Variants in DOCK10 observed in about 807,000 individuals in gnomAD.
The protein encoded by DOCK10 is dedicator of cytokinesis 10, also known as dedicator of cytokinesis protein 10.
In DOCK10, 145 loss-of-function variants were observed where a neutral mutation model predicts 280.1. That is an observed-to-expected ratio of 0.52 (90% CI 0.45 to 0.59). DOCK10 has a LOEUF of 0.59. Among genes scored for constraint, DOCK10 ranks in the 20% least tolerant of loss-of-function variants. DOCK10 has a pLI of 0.00. For synonymous variants in DOCK10, 915 were observed against 942.2 expected, an observed-to-expected ratio of 0.97 and a Z score of 0.53; for missense variants, 2,368 against 2,651.7, an observed-to-expected ratio of 0.89 and a Z score of 2.35.
intron 3 of DOCK10, among the ~76,000 whole-genome samples, chr2:224,906,905 T>C (rs1167502488): frequency 6.6e-6 from 1 of 152,258 alleles, no homozygotes; most frequent in African/African-American, 2.4e-5. Context: ...GTTTAGCCAG[T>C]GGTTAAGCCC....
chr2:224,806,735 G>A (rs1309855307), intron 33 of DOCK10, among the ~76,000 whole-genome samples: 1 of 152,084 alleles, frequency 6.6e-6, no homozygotes. Flanking sequence ...CTCCTGAGTA[G>A]CTGGGACTAC....
At chr2:224,961,460 TTCTTTCTTTTTC>T (rs1489562911) in intron 1 of DOCK10, among the ~76,000 whole-genome samples, 7 of 132,984 alleles carry the variant, frequency 5.3e-5, no homozygotes, top group Admixed American at 1.6e-4. Context: ...CTTTCTTTCT[TTCTTTCTTTTTC>T]TTTCTTTCTT....
intron 7 of DOCK10, among the ~76,000 whole-genome samples, chr2:224,878,424 A>G (rs962994005): frequency 2.6e-5 from 4 of 152,200 alleles, no homozygotes; most frequent in South Asian, 2.1e-4. Context: ...TAAGCCCTAT[A>G]TACTCTAACA....
rs1025157571 is a variant in DOCK10 at position 224,910,023 on chromosome 2, A to T, written c.333+6672T>A. ...GCTGAGAATTGTCAAAGTAGAGAGC[A>T]GTGAGAGAAAACTCAAATTTTTTAC... On this transcript the variant is annotated intron_variant, in intron 3 of 55. Coordinates refer to ENST00000258390, the MANE Select transcript of DOCK10 (RefSeq NM_014689.3). Among the ~76,000 whole-genome samples, 5 of 152,356 alleles carry T rather than the reference A, an allele frequency of 3.3e-5. No homozygotes were observed. In the East Asian group the frequency reaches 7.7e-4, roughly 23 times the overall value.
At position 224,976,259 on chromosome 2, in the gene DOCK10, A is replaced by G. The variant is rs536771243; in HGVS notation, c.124-44591T>C. ...AGGGGTGGGGGGAAAGGGGAGGGAG[A>G]GCATTAGGAAAAACACTTAATGCAT... On this transcript the variant is annotated intron_variant, in intron 1 of 55. Coordinates refer to ENST00000258390, the MANE Select transcript of DOCK10 (RefSeq NM_014689.3). 3.4e-4 allele frequency among the ~76,000 whole-genome samples: 52 copies of G among 152,212 alleles called. 1 individual carries two copies. In the South Asian group the frequency reaches 0.01, roughly 30 times the overall value.
chr2:224,819,382 G>T, intron 29 of DOCK10, 64 bp downstream of exon 29: 1 of 1,094,606 alleles, frequency 9.1e-7, no homozygotes, highest in South Asian at 1.5e-5. Context: ...TATCCACAGA[G>T]ACTACTTTAT....
rs569287268 is a variant in DOCK10 at position 224,838,141 on chromosome 2, T to C, written c.2781-310A>G. The stretch of plus-strand genomic sequence containing the variant: ...TCCAAGTTGAATGTGCTAATTATGG[T>C]CTGTGCGTTTTTGACATTATCTTTT... On this transcript the variant is annotated intron_variant, in intron 24 of 55. Coordinates refer to ENST00000258390, the MANE Select transcript of DOCK10 (RefSeq NM_014689.3). Among the ~76,000 whole-genome samples the C allele has an allele frequency of 2.8e-4, 42 of 152,350 alleles. No individual in the cohort carries two copies. The South Asian group carries it at 7.9e-3, about 29-fold the overall frequency.
At chr2:224,792,296 T>G (rs1692253297) in intron 47 of DOCK10, among the ~76,000 whole-genome samples, 1 of 152,208 alleles carries the variant, frequency 6.6e-6, no homozygotes, top group Non-Finnish European at 1.5e-5. Context: ...TCTTTTTATT[T>G]TTTTGGAGAC....
At chr2:225,021,870 T>A (rs1472212728) in intron 1 of DOCK10, among the ~76,000 whole-genome samples, 1 of 152,202 alleles carries the variant, frequency 6.6e-6, no homozygotes, top group African/African-American at 2.4e-5. Context: ...GGGGAGGCAC[T>A]TGGCAGTTTA....
intron 1 of DOCK10, among the ~76,000 whole-genome samples, chr2:224,977,409 T>C (rs957098422): frequency 3.3e-5 from 5 of 152,152 alleles, no homozygotes; most frequent in African/African-American, 1.2e-4. Context: ...AGAAAAACAT[T>C]CTCTTTCGGG....
At chr2:224,878,787 C>A (rs898513929) in intron 7 of DOCK10, among the ~76,000 whole-genome samples, 1 of 152,202 alleles carries the variant, frequency 6.6e-6, no homozygotes, top group Admixed American at 6.5e-5. Context: ...TTATTTATTT[C>A]TTTGCCTTAT....
rs1697790533 is a variant in DOCK10, at chr2:224,864,939, G to C, written c.1406C>G (p.Thr469Ser). The change falls in exon 12 of 56, where the codon ACC (threonine) becomes AGC (serine). Residue 469 changes from threonine (T) to serine (S), a missense_variant. Thr to Ser is a moderately conservative substitution (Grantham distance 58, BLOSUM62 1). Coordinates refer to ENST00000258390, the MANE Select transcript of DOCK10 (RefSeq NM_014689.3). Reference protein sequence around the residue: ...SVALENGNIDTITPRQSEEPH... With the variant: ...SVALENGNIDSITPRQSEEPH... Reference sequence around the variant, plus strand: ...TTCTTCTGATTGTCTTGGAGTGATGGTGTCGATGTTGCCATTTTCCAAAGC... The same window carrying C: ...TTCTTCTGATTGTCTTGGAGTGATGCTGTCGATGTTGCCATTTTCCAAAGC... 6.2e-7 allele frequency: 1 copy of C among 1,613,824 alleles called. No individual in the cohort carries two copies. The highest frequency in any genetic ancestry group is 1.3e-5 in the African/African-American group (1 of 74,958).
Position 224,956,195 on chromosome 2 carries a change from C to T in DOCK10, c.124-24527G>A, listed in dbSNP as rs151216969. On this transcript the variant is annotated intron_variant, in intron 1 of 55. Transcript: ENST00000258390. ...AATAGTAGGACTTTGAAAGTTACTA[C>T]TATAACCCCAAGAGAAGAGACTCTC... is the stretch of plus-strand genomic sequence containing the variant. Among the ~76,000 whole-genome samples the T allele has an allele frequency of 8.9e-3, 1,355 of 152,308 alleles. 5 individuals carry two copies. Among genetic ancestry groups the T allele is most frequent in the Middle Eastern group, 0.02 (6 of 294 alleles).
chr2:224,818,222 A>T (rs963216956), intron 29 of DOCK10, among the ~76,000 whole-genome samples: 5 of 152,150 alleles, frequency 3.3e-5, no homozygotes, highest in African/African-American at 1.2e-4. Flanking sequence ...GGTTCCATAC[A>T]ATGAGAACAG....
At chr2:224,929,702 G>A (rs1702221675) in intron 2 of DOCK10, among the ~76,000 whole-genome samples, 1 of 152,172 alleles carries the variant, frequency 6.6e-6, no homozygotes, top group Admixed American at 6.5e-5. Flanking sequence ...TGCCAAGAAT[G>A]ATAAAGATCA....
intron 2 of DOCK10, among the ~76,000 whole-genome samples, chr2:224,920,875 C>T (rs1279287775): frequency 6.6e-6 from 1 of 150,958 alleles, no homozygotes; most frequent in East Asian, 1.9e-4. Flanking sequence ...TTGGCTCCAT[C>T]ATATTTTGCA....
chr2:224,887,032 G>C (rs1016153176), intron 4 of DOCK10, among the ~76,000 whole-genome samples: 54 of 152,066 alleles, frequency 3.6e-4, no homozygotes, highest in African/African-American at 1.3e-3. Flanking sequence ...CAAAGTGCTG[G>C]AATTATAGGC....
chr2:225,017,680 A>G (rs1689651662), intron 1 of DOCK10, among the ~76,000 whole-genome samples: 2 of 149,314 alleles, frequency 1.3e-5, no homozygotes, highest in African/African-American at 5.0e-5. Context: ...AAAGAAGCCA[A>G]TAACTGAAGA....
intron 1 of DOCK10, among the ~76,000 whole-genome samples, chr2:224,960,709 C>CAATGAACG (rs2126161311): frequency 7.1e-6 from 1 of 140,754 alleles, no homozygotes. Context: ...CTTATGTGCA[C>CAATGAACG]AATGAACGCA....
Sources: allele counts gnomAD v4.1 joint callset (sites outside exome capture counted in the v4.1 genomes callset), GRCh38; gene constraint gnomAD v4.1.1; transcripts MANE v1.5; gene names NCBI Gene and HGNC (gene_info 2026-07-23, HGNC 2026-07-21).